FRRS1L: variants seen among roughly 807,000 people sequenced by gnomAD.
FRRS1L encodes ferric chelate reductase 1 like, also known as DOMON domain-containing protein FRRS1L.
A neutral mutation model predicts 28.6 loss-of-function variants in FRRS1L; 22 were observed. The ratio of observed to expected loss-of-function variants is 0.77; its 90% CI spans 0.55 to 1.10. The LOEUF (loss-of-function observed/expected upper bound fraction) is 1.10. Ranked by LOEUF, FRRS1L falls within the 50% of genes least tolerant of loss-of-function variation. FRRS1L has a pLI of 0.00. For synonymous variants in FRRS1L, 158 were observed against 151.4 expected, an observed-to-expected ratio of 1.04 and a Z score of -0.32; for missense variants, 380 against 386.9, an observed-to-expected ratio of 0.98 and a Z score of 0.15.
chr9:109,158,271 G>C (rs897950052), intron 1 of FRRS1L, among the ~76,000 whole-genome samples: 2 of 151,890 alleles, frequency 1.3e-5, no homozygotes, highest in Non-Finnish European at 2.9e-5. Flanking sequence ...TTAAATTTTC[G>C]AGTGTATTGG....
chr9:109,156,908 A>C (rs964163311), intron 1 of FRRS1L, among the ~76,000 whole-genome samples: 1 of 152,012 alleles, frequency 6.6e-6, no homozygotes, highest in South Asian at 2.1e-4. Context: ...CCCAGGCTCA[A>C]GCTATCTGCC....
rs746319183 is a variant in FRRS1L at position 109,166,908 on chromosome 9, C to A, written c.231G>T (p.Ser77=). 3.5e-5 allele frequency: 47 copies of A among 1,357,478 alleles called. No individual in the cohort carries two copies. The highest frequency in any genetic ancestry group is 4.5e-5 in the Non-Finnish European group (47 of 1,045,542). The allele number at this position is 1,357,478 out of a possible 1,614,324, so 84.1% of individuals were successfully genotyped here. A position where few individuals can be genotyped will look rare whatever the true frequency, so the allele number is the denominator to read the frequency against. ...AGEFYDLRYL[S]EEGYPFPTAP... is the part of the protein sequence containing the mutation. ...GCCCTCCCGCAGCCTCACCCTCCTC[C>A]GACAGGTAGCGCAGGTCGTAGAACT... Residue 77 remains serine, a synonymous_variant, in exon 1 of 5, where the codon TCG becomes TCT. Transcript: ENST00000561981.
intron 1 of FRRS1L, among the ~76,000 whole-genome samples, chr9:109,155,451 T>C (rs148274399): frequency 0.085 from 12,906 of 152,220 alleles, 794 homozygotes; most frequent in African/African-American, 0.17. Context: ...CAGTGGCTCA[T>C]GCCTGTAATC....
intron 1 of FRRS1L, among the ~76,000 whole-genome samples, chr9:109,152,579 C>A (rs1349332629): frequency 6.6e-6 from 1 of 151,240 alleles, no homozygotes; most frequent in East Asian, 2.0e-4. Context: ...CCAAGGTGGG[C>A]AGATCATGAG....
chr9:109,131,147 A>G lies in FRRS1L; in HGVS notation c.*6308T>C, dbSNP rs573802535. 2.6e-5 allele frequency: 4 copies of G among 152,374 alleles called. No homozygotes were observed. The South Asian group carries it at 8.3e-4, about 32-fold the overall frequency. The allele number at this position is 152,374 out of a possible 1,614,324, so 9.4% of individuals were successfully genotyped here. The stretch of plus-strand genomic sequence containing the variant: ...TGAAACTAAATAACTGGATACTTGA[A>G]TAACTGAATAAGGAACCTAATTAAA... On this transcript the variant is annotated 3_prime_UTR_variant, in exon 5 of 5. Coordinates refer to ENST00000561981, the MANE Select transcript of FRRS1L (RefSeq NM_014334.4).
chr9:109,151,547 AC>A, intron 1 of FRRS1L: 3 of 219,554 alleles, frequency 1.4e-5, no homozygotes, highest in Non-Finnish European at 2.7e-5. Flanking sequence ...GTCTCCCATC[AC>A]CCCCAAATGA....
intron 1 of FRRS1L, among the ~76,000 whole-genome samples, chr9:109,164,887 T>C (rs1326890885): frequency 6.6e-6 from 1 of 152,224 alleles, no homozygotes; most frequent in Non-Finnish European, 1.5e-5. Context: ...TCTTTCCTAC[T>C]TCATGGCTTG....
At chr9:109,160,242 T>C (rs1417898818) in intron 1 of FRRS1L, among the ~76,000 whole-genome samples, 3 of 152,050 alleles carry the variant, frequency 2.0e-5, no homozygotes, top group African/African-American at 7.2e-5. Flanking sequence ...CACAAGCAAA[T>C]CAATTCCAGA....
At chr9:109,138,929 G>T (rs1831146747) in intron 4 of FRRS1L, 1 of 151,688 alleles carries the variant, frequency 6.6e-6, no homozygotes, top group Non-Finnish European at 1.5e-5. Flanking sequence ...GGCCGGGTGT[G>T]GTGGCTCATG....
At chr9:109,163,389 G>T (rs369340557) in intron 1 of FRRS1L, among the ~76,000 whole-genome samples, 2 of 152,200 alleles carry the variant, frequency 1.3e-5, no homozygotes, top group African/African-American at 4.8e-5. Context: ...ATCAGGGAAG[G>T]CTTCCTGAAA....
intron 3 of FRRS1L, among the ~76,000 whole-genome samples, chr9:109,142,463 T>C (rs1053349312): frequency 2.0e-5 from 3 of 152,114 alleles, no homozygotes; most frequent in Non-Finnish European, 4.4e-5. Flanking sequence ...ATTTTGGTGC[T>C]ACTGCACTCC....
intron 2 of FRRS1L, 107 bp downstream of exon 2, chr9:109,149,529 A>G (rs375495402): frequency 1.4e-6 from 1 of 722,664 alleles, no homozygotes. Context: ...GAGGTGATCA[A>G]GGAGCTCAGG....
At chr9:109,148,004 T>A (rs1831285903) in intron 2 of FRRS1L, 3 of 151,956 alleles carry the variant, frequency 2.0e-5, no homozygotes. Context: ...AGTCTCACTC[T>A]GTTGCCCAGG....
intron 3 of FRRS1L, among the ~76,000 whole-genome samples, 176 bp from the exon 4 acceptor site, chr9:109,141,765 A>G (rs898691583): frequency 6.6e-6 from 1 of 152,212 alleles, no homozygotes; most frequent in Admixed American, 6.5e-5. Flanking sequence ...AATAAGTGAC[A>G]TTCAGTGCCT....
At chr9:109,161,114 T>G (rs1831475486) in intron 1 of FRRS1L, among the ~76,000 whole-genome samples, 2 of 152,122 alleles carry the variant, frequency 1.3e-5, no homozygotes, top group African/African-American at 4.8e-5. Flanking sequence ...GTCATCCCAC[T>G]GCTCCTGACA....
rs1213275545 is a variant in FRRS1L, at chr9:109,141,418, C to A, written c.634G>T (p.Val212Phe). 1 of 1,613,986 alleles carries A rather than the reference C, an allele frequency of 6.2e-7. No individual in the cohort carries two copies. The highest frequency in any genetic ancestry group is 8.5e-7 in the Non-Finnish European group (1 of 1,179,970). Residue 212 changes from valine (V) to phenylalanine (F), a missense_variant, in exon 4 of 5, where the codon GTT becomes TTT. Val to Phe is a conservative substitution (Grantham distance 50). Coordinates refer to ENST00000561981, the MANE Select transcript of FRRS1L (RefSeq NM_014334.4). ...TCAACAATTGTTTCATCTCTGGGAA[C>A]ATTCACAGGGCGTTTAAATCTGCAG... ...VTCRFKRPVN[V>F]PRDETIVDLH...
chr9:109,138,714 A>G (rs1037017872), intron 4 of FRRS1L: 2 of 152,182 alleles, frequency 1.3e-5, no homozygotes, highest in South Asian at 2.1e-4. Context: ...TTTTCTCTCA[A>G]TAGATCCCAG....
intron 1 of FRRS1L, among the ~76,000 whole-genome samples, chr9:109,156,550 G>A (rs1377519756): frequency 2.7e-5 from 4 of 150,354 alleles, no homozygotes; most frequent in East Asian, 2.0e-4. Flanking sequence ...CACCACGCCC[G>A]GCTAATTTTT....
chr9:109,160,791 C>CT (rs750103312), intron 1 of FRRS1L, among the ~76,000 whole-genome samples: 6,602 of 114,346 alleles, frequency 0.058, 311 homozygotes, highest in East Asian at 0.16. Context: ...AGAAAGAAAT[C>CT]TTTTTTTTTT....
Sources: allele counts gnomAD v4.1 joint callset (sites outside exome capture counted in the v4.1 genomes callset), GRCh38; gene constraint gnomAD v4.1.1; transcripts MANE v1.5; gene names NCBI Gene and HGNC (gene_info 2026-07-23, HGNC 2026-07-21).